The following RAD51C variants were observed in gnomAD, a reference collection of about 807,000 sequenced individuals.
RAD51C encodes the protein RAD51 paralog C, also known as DNA repair protein RAD51 homolog 3.
In RAD51C, 42 loss-of-function variants were observed where a neutral mutation model predicts 45.0. The observed-to-expected ratio is 0.93, with a 90% CI of 0.73 to 1.21. RAD51C has a LOEUF of 1.21. Among genes scored for constraint, RAD51C ranks in the 50% most tolerant of loss-of-function variants. The probability of loss-of-function intolerance (pLI) is 0.00; values close to 1 mark genes in which losing one functional copy is unlikely to be tolerated. For missense variants in RAD51C, 474 were observed against 452.2 expected (o/e 1.05, Z -0.44); for synonymous variants, 172 against 159.8 (o/e 1.08, Z -0.58).
At chr17:58,716,933 T>C (rs2048759732) in intron 5 of RAD51C, among the ~76,000 whole-genome samples, 1 of 152,054 alleles carries the variant, frequency 6.6e-6, no homozygotes, top group South Asian at 2.1e-4. Flanking sequence ...CCTGAGTAGC[T>C]GGGACTACAG....
chr17:58,716,013 G>A (rs1241010283), intron 5 of RAD51C, among the ~76,000 whole-genome samples: 1 of 151,186 alleles, frequency 6.6e-6, no homozygotes, highest in East Asian at 1.9e-4. Context: ...GCTGAGGCAG[G>A]AAACTCTCTT....
intron 5 of RAD51C, among the ~76,000 whole-genome samples, chr17:58,712,219 C>T (rs758631992): frequency 6.6e-6 from 1 of 151,270 alleles, no homozygotes; most frequent in Admixed American, 6.6e-5. Context: ...TGGTGGCATG[C>T]CTGTAATCCC....
At chr17:58,715,141 A>C (rs1306917449) in intron 5 of RAD51C, among the ~76,000 whole-genome samples, 4 of 144,436 alleles carry the variant, frequency 2.8e-5, no homozygotes, top group Non-Finnish European at 5.9e-5. Flanking sequence ...AAAAAAAAAA[A>C]AACAAAAAAA....
chr17:58,729,598 G>T (rs2049328272), intron 7 of RAD51C, among the ~76,000 whole-genome samples: 1 of 147,056 alleles, frequency 6.8e-6, no homozygotes, highest in Non-Finnish European at 1.5e-5. Context: ...TTGAGATGGA[G>T]TCTCACTCTG....
intron 4 of RAD51C, chr17:58,706,123 A>G (rs1303652662): frequency 6.6e-6 from 1 of 152,242 alleles, no homozygotes; most frequent in Non-Finnish European, 1.5e-5. Context: ...ATTGGACCAT[A>G]AGGCTCAAGA....
chr17:58,694,943 C>G lies in RAD51C; in HGVS notation c.158C>G (p.Ser53Cys), dbSNP rs876659265. ...ATTTTACTTTCAGAAGTTGGGATAT[C>G]TAAAGCAGAAGCCTTAGAAACTCTG... Reference protein sequence around the residue: ...PSELSKEVGISKAEALETLQI... With the variant: ...PSELSKEVGICKAEALETLQI... The change falls in exon 2 of 9, where the codon TCT becomes TGT. Residue 53 changes from serine to cysteine, a missense_variant. Transcript: ENST00000337432. The G allele has an allele frequency of 3.1e-6, 5 of 1,613,528 alleles. 1 individual carries two copies. Among genetic ancestry groups the G allele is most frequent in the Middle Eastern group, 1.7e-4 (1 of 6,056 alleles).
intron 4 of RAD51C, among the ~76,000 whole-genome samples, chr17:58,707,468 G>A (rs1462314937): frequency 6.6e-6 from 1 of 151,052 alleles, no homozygotes; most frequent in Admixed American, 6.6e-5. Context: ...GTTGCAGTGA[G>A]CCAAGAACGC....
intron 6 of RAD51C, among the ~76,000 whole-genome samples, chr17:58,721,232 G>T (rs931469500): frequency 6.6e-6 from 1 of 152,006 alleles, no homozygotes; most frequent in African/African-American, 2.4e-5. Context: ...CAGTGAGCTG[G>T]GATCGTGCAT....
intron 7 of RAD51C, among the ~76,000 whole-genome samples, chr17:58,726,434 A>G (rs924364443): frequency 1.9e-4 from 28 of 150,452 alleles, no homozygotes; most frequent in Non-Finnish European, 3.7e-4. Context: ...ATATATGTGT[A>G]TACGTATAGA....
At chr17:58,727,459 A>G (rs955997404) in intron 7 of RAD51C, among the ~76,000 whole-genome samples, 24 of 152,102 alleles carry the variant, frequency 1.6e-4, no homozygotes, top group Non-Finnish European at 3.4e-4. Context: ...CTTTTCTTCT[A>G]TAATAACTGT....
intron 3 of RAD51C, among the ~76,000 whole-genome samples, chr17:58,699,044 T>C (rs2143766717): frequency 6.6e-6 from 1 of 152,096 alleles, no homozygotes; most frequent in South Asian, 2.1e-4. Flanking sequence ...TTGCGCTCTG[T>C]CACCCAGGCT....
chr17:58,709,842 A>C lies in RAD51C; in HGVS notation c.706-17A>C. 1 of 1,594,550 alleles carries C rather than the reference A, an allele frequency of 6.3e-7. No individual in the cohort carries two copies. Among genetic ancestry groups the C allele is most frequent in the Non-Finnish European group, 8.6e-7 (1 of 1,162,482 alleles). Reference sequence around the variant, plus strand: ...TATTTTTCGTAACAAATCTAATATTATCTCTTCTGTATTTAGGTTCGACTA... The same window carrying C: ...TATTTTTCGTAACAAATCTAATATTCTCTCTTCTGTATTTAGGTTCGACTA... On this transcript the variant is annotated splice_polypyrimidine_tract_variant and intron_variant, in intron 4 of 8. Coordinates refer to ENST00000337432, the MANE Select transcript of RAD51C (RefSeq NM_058216.3).
At chr17:58,733,833 C>T (rs1440601695) in intron 8 of RAD51C, among the ~76,000 whole-genome samples, 1 of 152,190 alleles carries the variant, frequency 6.6e-6, no homozygotes, top group Non-Finnish European at 1.5e-5. Context: ...ATTCTCCTGC[C>T]TCAGCCTCCA....
chr17:58,728,410 T>G (rs1364150538), intron 7 of RAD51C, among the ~76,000 whole-genome samples: 1 of 150,872 alleles, frequency 6.6e-6, no homozygotes, highest in Non-Finnish European at 1.5e-5. Context: ...TTTTCTTTTT[T>G]TTTTTGAGAC....
chr17:58,725,298 G>T (rs976360201), intron 7 of RAD51C, among the ~76,000 whole-genome samples: 4 of 152,062 alleles, frequency 2.6e-5, no homozygotes, highest in African/African-American at 9.7e-5. Context: ...GTCACAAAAG[G>T]AGTTATTTTC....
rs2143857032 is a variant in RAD51C at position 58,710,079 on chromosome 17, T to C, written c.837+89T>C. ...TAGAAATGTCAAAATAGCGTTTGCCTGACAAATAATATAGACATGCAGTTT... is the reference window on the plus strand; with the variant it reads ...TAGAAATGTCAAAATAGCGTTTGCCCGACAAATAATATAGACATGCAGTTT... On this transcript the variant is annotated intron_variant, in intron 5 of 8. Coordinates refer to ENST00000337432, the MANE Select transcript of RAD51C (RefSeq NM_058216.3). 2.1e-6 allele frequency: 3 copies of C among 1,424,312 alleles called. No individual in the cohort carries two copies. The South Asian group carries it at 3.5e-5, about 17-fold the overall frequency. 88.2% of individuals were successfully genotyped at this position (1,424,312 alleles called of 1,614,324 possible). A position where few individuals can be genotyped will look rare whatever the true frequency, so the allele number is the denominator to read the frequency against.
intron 2 of RAD51C, among the ~76,000 whole-genome samples, chr17:58,695,776 A>C (rs920875667): frequency 3.3e-5 from 5 of 151,138 alleles, no homozygotes; most frequent in African/African-American, 1.2e-4. Context: ...CTATCTCAAA[A>C]AAAAAAGAGG....
chr17:58,703,126 G>A (rs552461761), intron 3 of RAD51C, 70 bp from the exon 4 acceptor site: 28 of 1,515,470 alleles, frequency 1.8e-5, no homozygotes, highest in Admixed American at 5.1e-5. Flanking sequence ...TTATTAAAAA[G>A]CATTGTTTTT....
rs796814098 is a variant in RAD51C at position 58,716,472 on chromosome 17, AT to A, written c.838-4266del. 2.2e-3 allele frequency among the ~76,000 whole-genome samples: 330 copies of A among 151,704 alleles called. 2 individuals are homozygous for A. The highest frequency in any genetic ancestry group is 0.017 in the Middle Eastern group (5 of 294). On this transcript the variant is annotated intron_variant, in intron 5 of 8. Coordinates refer to ENST00000337432, the MANE Select transcript of RAD51C (RefSeq NM_058216.3). ...TGATTTTAATTTAACTTTTTTATTTATTTTTTTTGAGATGGAGTCTCACTCT... is the reference window on the plus strand; with the variant it reads ...TGATTTTAATTTAACTTTTTTATTTATTTTTTTGAGATGGAGTCTCACTCT...
Sources: allele counts gnomAD v4.1 joint callset (sites outside exome capture counted in the v4.1 genomes callset), GRCh38; gene constraint gnomAD v4.1.1; transcripts MANE v1.5; gene names NCBI Gene and HGNC (gene_info 2026-07-23, HGNC 2026-07-21).